RTL4: variants seen among roughly 807,000 people sequenced by gnomAD.
The protein encoded by RTL4 is retrotransposon Gag-like protein 4.
In RTL4, 4 loss-of-function variants were observed where a neutral mutation model predicts 5.3. That is an observed-to-expected ratio of 0.75 (90% CI 0.37 to 1.72). The LOEUF (loss-of-function observed/expected upper bound fraction) is 1.72, where lower values mean the gene tolerates loss of function less well. Ranked by LOEUF, RTL4 falls within the 40% of genes most tolerant of loss-of-function variation. The pLI, the probability that RTL4 is intolerant of heterozygous loss-of-function variation, is 0.04. For synonymous variants in RTL4, 98 were observed against 87.3 expected, an observed-to-expected ratio of 1.12 and a Z score of -0.68; for missense variants, 260 against 227.1, an observed-to-expected ratio of 1.14 and a Z score of -0.93.
the RTL4 span, among the ~76,000 whole-genome samples, chrX:112,278,188 T>C: frequency 8.9e-6 from 1 of 112,671 alleles, no homozygotes; most frequent in Non-Finnish European, 1.9e-5. Flanking sequence ...GTTGCATATG[T>C]AACCTAACAA....
chrX:112,109,416 C>T, the RTL4 span, among the ~76,000 whole-genome samples: 1 of 111,632 alleles, frequency 9.0e-6, no homozygotes, highest in Non-Finnish European at 1.9e-5. Context: ...GGGACCCGAG[C>T]AGGTTGCTGC....
the RTL4 span, among the ~76,000 whole-genome samples, chrX:112,220,400 A>AG: frequency 8.9e-6 from 1 of 112,771 alleles, no homozygotes; most frequent in Non-Finnish European, 1.9e-5. Context: ...TGCACACAGT[A>AG]GGGGGCCCTG....
chrX:112,374,856 G>A, the RTL4 span, among the ~76,000 whole-genome samples: 568 of 111,528 alleles, frequency 5.1e-3, 1 homozygote, highest in Non-Finnish European at 8.0e-3. Context: ...CTCGGCTGAA[G>A]AGAATTGCCT....
exon 1 of RTL4, chrX:112,455,443 A>G: frequency 8.3e-7 from 1 of 1,210,957 alleles, no homozygotes; most frequent in South Asian, 1.8e-5. Context: ...GGCTTCCTTG[A>G]TCCAACACCA....
the RTL4 span, among the ~76,000 whole-genome samples, chrX:112,339,503 TA>T: frequency 2.8e-4 from 31 of 112,103 alleles, no homozygotes; most frequent in Non-Finnish European, 4.9e-4. Flanking sequence ...AGGTGGTTCA[TA>T]ATAAAGAACA....
chrX:112,130,989 C>T, the RTL4 span, among the ~76,000 whole-genome samples: 2 of 94,527 alleles, frequency 2.1e-5, no homozygotes, highest in Admixed American at 1.1e-4. Context: ...TTAGCAGAGA[C>T]GGGGTTTCAC....
chrX:112,161,840 C>CTTTCTTTCTTTCTTTCTTT, the RTL4 span, among the ~76,000 whole-genome samples: 73 of 40,026 alleles, frequency 1.8e-3, 2 homozygotes, highest in Middle Eastern at 0.013. Flanking sequence ...TTCCTTCCTT[C>CTTTCTTTCTTTCTTTCTTT]CTTCCTTTCT....
At chrX:112,192,521 G>C in the RTL4 span, among the ~76,000 whole-genome samples, 1 of 110,809 alleles carries the variant, frequency 9.0e-6, no homozygotes, top group Non-Finnish European at 1.9e-5. Context: ...TTTCTTTGTA[G>C]TTTTTCTTAT....
the RTL4 span, among the ~76,000 whole-genome samples, chrX:112,390,109 AT>A: frequency 7.3e-3 from 10 of 1,363 alleles, no homozygotes; most frequent in African/African-American, 0.018. Context: ...TATATATAAT[AT>A]ATATATATAT....
At chrX:112,446,595 C>G in the RTL4 span, among the ~76,000 whole-genome samples, 1 of 112,490 alleles carries the variant, frequency 8.9e-6, no homozygotes, top group Non-Finnish European at 1.9e-5. Context: ...TACCTGTAAT[C>G]CCAGCATTTT....
chrX:112,251,099 T>C, the RTL4 span, among the ~76,000 whole-genome samples: 1 of 112,010 alleles, frequency 8.9e-6, no homozygotes, highest in African/African-American at 3.2e-5. Flanking sequence ...AAAGATTACC[T>C]TCAACTACTT....
At chrX:112,162,107 G>A in the RTL4 span, among the ~76,000 whole-genome samples, 7 of 110,454 alleles carry the variant, frequency 6.3e-5, no homozygotes, top group East Asian at 2.0e-3. Context: ...AAGTTTTGGA[G>A]AGAAATTGTA....
chrX:112,305,949 G>C, the RTL4 span, among the ~76,000 whole-genome samples: 3 of 111,580 alleles, frequency 2.7e-5, no homozygotes, highest in Admixed American at 2.9e-4. Flanking sequence ...AGATTTTACT[G>C]TATCACCTGG....
the RTL4 span, among the ~76,000 whole-genome samples, chrX:112,341,215 G>A: frequency 9.1e-6 from 1 of 109,364 alleles, no homozygotes; most frequent in South Asian, 3.9e-4. Flanking sequence ...GGCTAACAAA[G>A]TTAGCGGTAG....
At chrX:112,335,663 C>T in the RTL4 span, among the ~76,000 whole-genome samples, 1 of 109,657 alleles carries the variant, frequency 9.1e-6, no homozygotes, top group Non-Finnish European at 1.9e-5. Context: ...CTTTTTAACC[C>T]AAGGCTTATC....
At chrX:112,169,860 C>T in the RTL4 span, among the ~76,000 whole-genome samples, 1 of 111,939 alleles carries the variant, frequency 8.9e-6, no homozygotes, top group South Asian at 3.8e-4. Context: ...GTGGGTGACA[C>T]ATGCTGCCAG....
At chrX:112,279,620 A>G in the RTL4 span, among the ~76,000 whole-genome samples, 2 of 111,237 alleles carry the variant, frequency 1.8e-5, no homozygotes, top group Admixed American at 1.9e-4. Context: ...AAAAAAATGT[A>G]ATATATGAAA....
the RTL4 span, chrX:112,381,935 T>C: frequency 1.7e-6 from 2 of 1,209,840 alleles, no homozygotes; most frequent in Non-Finnish European, 2.2e-6. Context: ...GGCCTTGAAG[T>C]TGGCAGCAAA....
chrX:112,203,305 G>C, the RTL4 span, among the ~76,000 whole-genome samples: 1 of 111,662 alleles, frequency 9.0e-6, no homozygotes, highest in East Asian at 2.8e-4. Context: ...TTTTGTAGAT[G>C]ATTAAAGCTA....
Sources: allele counts gnomAD v4.1 joint callset (sites outside exome capture counted in the v4.1 genomes callset), GRCh38; gene constraint gnomAD v4.1.1; transcripts MANE v1.5; gene names NCBI Gene and HGNC (gene_info 2026-07-23, HGNC 2026-07-21).